Variants in ARHGAP24 observed in about 807,000 individuals in gnomAD.
The protein encoded by ARHGAP24 is rho GTPase-activating protein 24.
In ARHGAP24, 50 loss-of-function variants were observed where a neutral mutation model predicts 76.4. The ratio of observed to expected loss-of-function variants is 0.65; its 90% CI spans 0.52 to 0.83. The LOEUF (loss-of-function observed/expected upper bound fraction) is 0.83. ARHGAP24 is among the 40% of genes least tolerant of loss of function. ARHGAP24 has a pLI of 0.00. For synonymous variants in ARHGAP24, 345 were observed against 323.3 expected, an observed-to-expected ratio of 1.07 and a Z score of -0.72; for missense variants, 930 against 914.2, an observed-to-expected ratio of 1.02 and a Z score of -0.22.
intron 1 of ARHGAP24, among the ~76,000 whole-genome samples, chr4:85,561,894 G>A (rs1251459243): frequency 6.6e-6 from 1 of 152,120 alleles, no homozygotes; most frequent in African/African-American, 2.4e-5. Context: ...GTGTGCTGTG[G>A]AAAAAATAAA....
intron 5 of ARHGAP24, among the ~76,000 whole-genome samples, chr4:85,971,345 T>A (rs916102638): frequency 1.3e-5 from 2 of 152,248 alleles, no homozygotes; most frequent in African/African-American, 4.8e-5. Context: ...TTGTAAATTT[T>A]ATTACAGTAT....
At chr4:85,550,363 T>C (rs749213831) in intron 1 of ARHGAP24, among the ~76,000 whole-genome samples, 8 of 152,220 alleles carry the variant, frequency 5.3e-5, no homozygotes, top group Non-Finnish European at 1.0e-4. Context: ...TGTAGGTGTC[T>C]GGCGTTATTT....
At chr4:85,579,208 A>G (rs1221662246) in intron 2 of ARHGAP24, among the ~76,000 whole-genome samples, 2 of 152,124 alleles carry the variant, frequency 1.3e-5, no homozygotes, top group Non-Finnish European at 2.9e-5. Context: ...CTTGAGTTCT[A>G]TTCTCACATC....
intron 3 of ARHGAP24, among the ~76,000 whole-genome samples, chr4:85,797,277 A>G (rs1201067128): frequency 6.6e-6 from 1 of 151,652 alleles, no homozygotes; most frequent in Non-Finnish European, 1.5e-5. Context: ...GGTTCACGCC[A>G]TTCTCCTGCC....
intron 1 of ARHGAP24, among the ~76,000 whole-genome samples, chr4:85,543,984 T>C (rs1198609522): frequency 3.9e-5 from 6 of 152,124 alleles, no homozygotes; most frequent in Non-Finnish European, 8.8e-5. Flanking sequence ...TGATGTAATT[T>C]TTCCTGCTCC....
intron 3 of ARHGAP24, among the ~76,000 whole-genome samples, chr4:85,738,447 A>G (rs1268660938): frequency 2.0e-5 from 3 of 148,796 alleles, no homozygotes; most frequent in South Asian, 4.2e-4. Context: ...AGTTCTTTAT[A>G]TAGTCTAGGT....
At chr4:85,506,466 C>A (rs921758751) in intron 1 of ARHGAP24, among the ~76,000 whole-genome samples, 1 of 152,218 alleles carries the variant, frequency 6.6e-6, no homozygotes, top group Admixed American at 6.5e-5. Context: ...CGCCCCTCCC[C>A]CAGCCAGGCT....
chr4:85,533,173 G>T (rs1725337037), intron 1 of ARHGAP24, among the ~76,000 whole-genome samples: 1 of 152,116 alleles, frequency 6.6e-6, no homozygotes, highest in Admixed American at 6.5e-5. Context: ...AAGTCTGCAG[G>T]CTTATGGTGA....
Position 85,864,803 on chromosome 4 carries a change from TGC to T in ARHGAP24, c.269-58844_269-58843del, listed in dbSNP as rs547384991. On this transcript the variant is annotated intron_variant, in intron 3 of 9. Transcript: ENST00000395184. ...GGACCAGTTAGGGAGAGGGAATTTA[TGC>T]AGTTTTTGTATTTGTTTGATTTTTC... 7.9e-5 allele frequency among the ~76,000 whole-genome samples: 12 copies of T among 152,226 alleles called. No homozygotes were observed. The South Asian group carries it at 2.3e-3, about 29-fold the overall frequency.
chr4:85,643,224 G>GTTTTTTTTTTTTTTTTT (rs1333138659), intron 2 of ARHGAP24, among the ~76,000 whole-genome samples: 1 of 101,554 alleles, frequency 9.8e-6, no homozygotes, highest in African/African-American at 4.0e-5. Flanking sequence ...TTTATTTTCC[G>GTTTTTTTTTTTTTTTTT]TTTTTTTGTG....
chr4:85,921,909 TC>T (rs1007343471), intron 3 of ARHGAP24, among the ~76,000 whole-genome samples: 4 of 148,792 alleles, frequency 2.7e-5, no homozygotes, highest in Non-Finnish European at 3.0e-5. Flanking sequence ...TCCGAAACCA[TC>T]CCCCCCCACC....
intron 8 of ARHGAP24, among the ~76,000 whole-genome samples, chr4:85,986,421 T>C (rs912456398): frequency 2.0e-5 from 3 of 152,062 alleles, no homozygotes; most frequent in Non-Finnish European, 4.4e-5. Flanking sequence ...TTTTTAGACA[T>C]TGGACAACAG....
At chr4:85,743,483 A>G (rs1306885341) in intron 3 of ARHGAP24, among the ~76,000 whole-genome samples, 1 of 148,568 alleles carries the variant, frequency 6.7e-6, no homozygotes, top group African/African-American at 2.5e-5. Context: ...CAGGAGGATC[A>G]CTTGAGCCCA....
At chr4:85,757,523 A>C (rs890051789) in intron 3 of ARHGAP24, among the ~76,000 whole-genome samples, 25 of 152,228 alleles carry the variant, frequency 1.6e-4, no homozygotes, top group Non-Finnish European at 3.2e-4. Context: ...AGCTTCATCC[A>C]TGTCCCTACA....
At chr4:85,509,346 TAAAA>T (rs574035048) in intron 1 of ARHGAP24, among the ~76,000 whole-genome samples, 1 of 151,666 alleles carries the variant, frequency 6.6e-6, no homozygotes, top group Non-Finnish European at 1.5e-5. Flanking sequence ...AAAGTATAAT[TAAAA>T]AAAATTCTAA....
At chr4:85,795,871 CCTCA>C (rs1446803472) in intron 3 of ARHGAP24, among the ~76,000 whole-genome samples, 1 of 152,082 alleles carries the variant, frequency 6.6e-6, no homozygotes, top group African/African-American at 2.4e-5. Context: ...TTAAATCTTC[CCTCA>C]CTCATTCACA....
intron 1 of ARHGAP24, among the ~76,000 whole-genome samples, chr4:85,533,065 A>G (rs1725333049): frequency 6.6e-6 from 1 of 152,344 alleles, no homozygotes; most frequent in Non-Finnish European, 1.5e-5. Flanking sequence ...GAGGTCATAA[A>G]AGCCTAAATA....
chr4:85,683,101 T>G (rs1314240192), intron 2 of ARHGAP24, among the ~76,000 whole-genome samples: 1 of 12,698 alleles, frequency 7.9e-5, no homozygotes, highest in African/African-American at 3.5e-4. Context: ...CTTAACTCTC[T>G]CAGTGTGTGG....
chr4:85,880,996 A>G (rs1198834499), intron 3 of ARHGAP24, among the ~76,000 whole-genome samples: 1 of 152,184 alleles, frequency 6.6e-6, no homozygotes, highest in African/African-American at 2.4e-5. Context: ...GTATTCACCT[A>G]AAGATTTATG....
Sources: gnomAD v4.1 joint callset for allele counts (sites outside exome capture counted in the v4.1 genomes callset) on GRCh38, gnomAD v4.1.1 for gene constraint, MANE v1.5 for transcripts, NCBI Gene and HGNC (gene_info 2026-07-23, HGNC 2026-07-21) for gene names.